Variants in DYRK1A observed in about 807,000 individuals in gnomAD.
DYRK1A encodes the protein dual specificity tyrosine-phosphorylation-regulated kinase 1A.
A neutral mutation model predicts 79.7 loss-of-function variants in DYRK1A; 9 were observed. That is an observed-to-expected ratio of 0.11 (90% CI 0.07 to 0.20). The LOEUF is 0.20. DYRK1A is among the 10% of genes least tolerant of loss of function. DYRK1A has a pLI of 1.00. For synonymous variants in DYRK1A, 349 were observed against 329.7 expected, an observed-to-expected ratio of 1.06 and a Z score of -0.63; for missense variants, 622 against 956.0, an observed-to-expected ratio of 0.65 and a Z score of 4.61.
chr21:37,488,930 A>T (rs2052975062), intron 6 of DYRK1A: 1 of 905,210 alleles, frequency 1.1e-6, no homozygotes, highest in Non-Finnish European at 1.3e-6. Flanking sequence ...GATATTTTAC[A>T]TTCTTAGGTA....
intron 2 of DYRK1A, among the ~76,000 whole-genome samples, chr21:37,468,925 G>A (rs2052126892): frequency 6.6e-6 from 1 of 152,228 alleles, no homozygotes; most frequent in South Asian, 2.1e-4. Context: ...ATAGGGGCTC[G>A]ATCATATTCA....
At chr21:37,489,216 CTAT>C (rs983344441) in intron 6 of DYRK1A, among the ~76,000 whole-genome samples, 2 of 152,042 alleles carry the variant, frequency 1.3e-5, no homozygotes, top group African/African-American at 4.8e-5. Flanking sequence ...TTTTGTAATA[CTAT>C]AAGATAAAAT....
In DYRK1A at chr21:37,513,902, C is replaced by T. The variant is rs2053830236; in HGVS notation, c.*1371C>T. ...CACTTTGACACAAGGTGTAACTAGA[C>T]CATTTTTAAATGTCAGTTGAAAATT... On this transcript the variant is annotated 3_prime_UTR_variant, in exon 12 of 12. Transcript: ENST00000647188. 6.6e-6 allele frequency: 1 copy of T among 152,538 alleles called. No individual in the cohort carries two copies. Among genetic ancestry groups the T allele is most frequent in the Non-Finnish European group, 1.5e-5 (1 of 68,028 alleles). The allele number at this position is 152,538 out of a possible 1,614,324, so 9.4% of individuals were successfully genotyped here.
chr21:37,379,778 T>G (rs1018625769), intron 1 of DYRK1A, among the ~76,000 whole-genome samples: 1 of 152,220 alleles, frequency 6.6e-6, no homozygotes, highest in African/African-American at 2.4e-5. Flanking sequence ...AATCTCATAT[T>G]CTCTTTATTT....
intron 2 of DYRK1A, among the ~76,000 whole-genome samples, chr21:37,469,425 G>C (rs923655015): frequency 2.0e-5 from 3 of 152,184 alleles, no homozygotes; most frequent in Non-Finnish European, 1.5e-5. Context: ...GCAGTTTATA[G>C]GCATAAGATG....
intron 5 of DYRK1A, among the ~76,000 whole-genome samples, chr21:37,482,102 T>C (rs149695295): frequency 0.018 from 2,711 of 152,332 alleles, 38 homozygotes; most frequent in Non-Finnish European, 0.024. Context: ...TTTTTTGTTT[T>C]CTTAAACTAT....
At chr21:37,392,358 T>C (rs1371791608) in intron 1 of DYRK1A, among the ~76,000 whole-genome samples, 4 of 152,238 alleles carry the variant, frequency 2.6e-5, no homozygotes, top group South Asian at 2.1e-4. Flanking sequence ...TTCCTTCCTT[T>C]CTTATTGTAT....
intron 1 of DYRK1A, among the ~76,000 whole-genome samples, chr21:37,398,177 T>C (rs982759046): frequency 4.7e-5 from 7 of 150,132 alleles, no homozygotes; most frequent in Admixed American, 2.0e-4. Flanking sequence ...CACACACACA[T>C]ACACACACAC....
At chr21:37,444,043 AC>A in intron 2 of DYRK1A, among the ~76,000 whole-genome samples, 1 of 152,106 alleles carries the variant, frequency 6.6e-6, no homozygotes, top group Non-Finnish European at 1.5e-5. Flanking sequence ...TTAGGGTGTT[AC>A]ACACCTCCTT....
chr21:37,512,047 G>T lies in DYRK1A; in HGVS notation c.1781G>T (p.Gly594Val), dbSNP rs1319573285. ...PQQNALHHHHGNSSHHHHHHH... is the reference protein window; with the variant it reads ...PQQNALHHHHVNSSHHHHHHH... The stretch of plus-strand genomic sequence containing the variant: ...CAGAATGCATTGCATCATCACCATG[G>T]TAACAGTTCCCATCACCATCACCAC... Residue 594 changes from glycine (G) to valine (V), a missense_variant, in exon 12 of 12, where the codon GGT becomes GTT. This residue lies in a region of DYRK1A where 292 missense variants were observed against 316.7 expected (regional missense o/e 0.92). Coordinates refer to ENST00000647188, the MANE Select transcript of DYRK1A (RefSeq NM_001347721.2). The T allele has an allele frequency of 2.5e-6, 4 of 1,613,922 alleles. No homozygotes were observed. The highest frequency in any genetic ancestry group is 3.4e-6 in the Non-Finnish European group (4 of 1,179,974).
chr21:37,369,620 A>G (rs1366939025), intron 1 of DYRK1A, among the ~76,000 whole-genome samples: 1 of 152,236 alleles, frequency 6.6e-6, no homozygotes, highest in Admixed American at 6.5e-5. Flanking sequence ...TTACCTCGAG[A>G]GGCATAAGCT....
chr21:37,374,292 C>G lies in DYRK1A; in HGVS notation c.-77+6664C>G, dbSNP rs533173447. Among the ~76,000 whole-genome samples the G allele has an allele frequency of 2.0e-5, 3 of 150,348 alleles. No homozygotes were observed. In the East Asian group the frequency reaches 5.8e-4, roughly 29 times the overall value. ...AGGATGTCATAAAGATTTGAGTCAC[C>G]GAACACTGCAAGAAGGATGATAGCA... On this transcript the variant is annotated intron_variant, in intron 1 of 11. Transcript: ENST00000647188.
chr21:37,390,605 GTCA>G (rs2049852021), intron 1 of DYRK1A, among the ~76,000 whole-genome samples: 1 of 152,110 alleles, frequency 6.6e-6, no homozygotes, highest in African/African-American at 2.4e-5. Context: ...GTCTCGCTCT[GTCA>G]CTCAGGCTGG....
chr21:37,497,802 TTG>T (rs2053318197), intron 9 of DYRK1A, among the ~76,000 whole-genome samples: 2 of 152,190 alleles, frequency 1.3e-5, no homozygotes, highest in Non-Finnish European at 2.9e-5. Flanking sequence ...AATGAGTAGA[TTG>T]TCTTTTCCCT....
chr21:37,454,361 C>T (rs548681379), intron 2 of DYRK1A, among the ~76,000 whole-genome samples: 5 of 152,044 alleles, frequency 3.3e-5, no homozygotes, highest in South Asian at 2.1e-4. Context: ...CCCAAAGTGC[C>T]GGATTGTAAG....
At chr21:37,416,840 A>G (rs2050351511) in intron 1 of DYRK1A, among the ~76,000 whole-genome samples, 1 of 152,020 alleles carries the variant, frequency 6.6e-6, no homozygotes, top group Non-Finnish European at 1.5e-5. Flanking sequence ...AATTTTGTAA[A>G]TTGTGAAATA....
Position 37,426,919 on chromosome 21 carries a change from T to TCAAA in DYRK1A, c.10+6535_10+6536insCAAA, listed in dbSNP as rs70940562. 1.1e-3 allele frequency among the ~76,000 whole-genome samples: 127 copies of TCAAA among 119,280 alleles called. 8 individuals are homozygous for TCAAA. Among genetic ancestry groups the TCAAA allele is most frequent in the African/African-American group, 4.0e-3 (120 of 30,056 alleles). 78.3% of individuals were successfully genotyped at this position (119,280 alleles called of 152,430 possible). A position where few individuals can be genotyped will look rare whatever the true frequency, so the allele number is the denominator to read the frequency against. ...TGGGCTAAAGAGCGAGACTCGGTTC[T>TCAAA]AAAAAAAAAAAAAAAAGAGATGAAT... is the stretch of plus-strand genomic sequence containing the variant. On this transcript the variant is annotated intron_variant, in intron 2 of 11. Transcript: ENST00000647188.
At position 37,477,665 on chromosome 21, in the gene DYRK1A, A is replaced by G. The variant is rs141328689; in HGVS notation, c.208-543A>G. 8.5e-3 allele frequency among the ~76,000 whole-genome samples: 1,294 copies of G among 152,260 alleles called. 6 individuals are homozygous for G. The highest frequency in any genetic ancestry group is 0.014 in the Non-Finnish European group (920 of 67,998). On this transcript the variant is annotated intron_variant, in intron 3 of 11. Transcript: ENST00000647188. ...TCAGAGGGCAGCAGGGTCTGGAGACATTAGGAGCTGAATTTCTTCTTATTA... is the reference window on the plus strand; with the variant it reads ...TCAGAGGGCAGCAGGGTCTGGAGACGTTAGGAGCTGAATTTCTTCTTATTA...
chr21:37,367,955 CTCCTCCTCTTCCTCCTCA>C (rs1210764711), intron 1 of DYRK1A: 2 of 161,746 alleles, frequency 1.2e-5, no homozygotes, highest in Non-Finnish European at 2.7e-5. Context: ...CCTCCTCCTC[CTCCTCCTCTTCCTCCTCA>C]TCCTCTTCCC....
Sources: allele counts gnomAD v4.1 joint callset (sites outside exome capture counted in the v4.1 genomes callset), GRCh38; gene constraint gnomAD v4.1.1; regional missense constraint gnomAD v4.1.1; transcripts MANE v1.5; gene names NCBI Gene and HGNC (gene_info 2026-07-23, HGNC 2026-07-21).